The following SNX29 variants were observed in gnomAD, a reference collection of about 807,000 sequenced individuals.
SNX29 encodes the protein sorting nexin-29.
Under a neutral mutation model 102.1 loss-of-function variants are expected in SNX29, and 78 were observed. That is an observed-to-expected ratio of 0.76 (90% CI 0.64 to 0.92). The LOEUF is 0.92. Among genes scored for constraint, SNX29 ranks in the 40% least tolerant of loss-of-function variants. The pLI is 0.00. For synonymous variants in SNX29, 580 were observed against 414.5 expected (o/e 1.40, Z -4.85); for missense variants, 1,280 against 1,061.7 (o/e 1.21, Z -2.86).
chr16:12,441,551 G>A (rs1384629644), intron 18 of SNX29, among the ~76,000 whole-genome samples: 3 of 152,182 alleles, frequency 2.0e-5, no homozygotes, highest in Admixed American at 2.0e-4. Flanking sequence ...GTGAACGTTT[G>A]TCTTCAGTTC....
At chr16:12,265,477 G>A (rs929770736) in intron 14 of SNX29, among the ~76,000 whole-genome samples, 15 of 152,046 alleles carry the variant, frequency 9.9e-5, no homozygotes, top group African/African-American at 3.6e-4. Context: ...AGATTTCTTA[G>A]GAAAGACACA....
intron 11 of SNX29, among the ~76,000 whole-genome samples, chr16:12,121,821 A>G (rs571380596): frequency 1.3e-5 from 2 of 152,078 alleles, no homozygotes; most frequent in Admixed American, 1.3e-4. Context: ...ATTTTTTGAG[A>G]TGGAGTCTCA....
chr16:12,201,387 A>G (rs925908884), intron 14 of SNX29, among the ~76,000 whole-genome samples: 1 of 152,216 alleles, frequency 6.6e-6, no homozygotes, highest in African/African-American at 2.4e-5. Context: ...AGCCCTTTAC[A>G]GCCTTTCCAA....
At chr16:12,253,116 C>G (rs145540143) in intron 14 of SNX29, among the ~76,000 whole-genome samples, 3 of 152,294 alleles carry the variant, frequency 2.0e-5, no homozygotes, top group African/African-American at 7.2e-5. Flanking sequence ...TGTTCCCTAA[C>G]CCTCCTGCCC....
chr16:12,023,796 G>A (rs2151103519), intron 3 of SNX29, among the ~76,000 whole-genome samples: 1 of 152,260 alleles, frequency 6.6e-6, no homozygotes, highest in East Asian at 1.9e-4. Flanking sequence ...CTAAAGAGTA[G>A]ATTCCTGTGC....
At chr16:12,020,688 A>G (rs1436499123) in intron 3 of SNX29, among the ~76,000 whole-genome samples, 1 of 149,006 alleles carries the variant, frequency 6.7e-6, no homozygotes, top group Non-Finnish European at 1.5e-5. Context: ...CAGTGGTGCC[A>G]TCTCGGCTCA....
intron 13 of SNX29, among the ~76,000 whole-genome samples, chr16:12,131,499 G>C (rs1054025676): frequency 6.6e-6 from 1 of 151,984 alleles, no homozygotes; most frequent in Non-Finnish European, 1.5e-5. Context: ...TAGGCCTCAT[G>C]TTAACCATTT....
chr16:12,230,656 G>GC (rs528894951), intron 14 of SNX29, among the ~76,000 whole-genome samples: 48 of 152,186 alleles, frequency 3.2e-4, no homozygotes, highest in Non-Finnish European at 6.5e-4. Context: ...GGCCTTGAAT[G>GC]CCCCAAATGC....
At position 12,512,369 on chromosome 16, in the gene SNX29, A is replaced by AATATATATATATAT. The variant is rs58157322; in HGVS notation, c.2179-12297_2179-12284dup. ...CGTCCATCATGGAAGGCCCAGGGAA[A>AATATATATATATAT]ATATATATATATATATATATATATA... On this transcript the variant is annotated intron_variant, in intron 19 of 20. Transcript: ENST00000566228. Among the ~76,000 whole-genome samples, 80 of 43,884 alleles carry AATATATATATATAT rather than the reference A, an allele frequency of 1.8e-3. 1 individual carries two copies. The highest frequency in any genetic ancestry group is 2.6e-3 in the Non-Finnish European group (61 of 23,724). 28.8% of individuals were successfully genotyped at this position (43,884 alleles called of 152,430 possible). A position where few individuals can be genotyped will look rare whatever the true frequency, so the allele number is the denominator to read the frequency against.
At chr16:12,533,231 C>T (rs531882131) in intron 20 of SNX29, among the ~76,000 whole-genome samples, 2 of 152,234 alleles carry the variant, frequency 1.3e-5, no homozygotes, top group African/African-American at 4.8e-5. Flanking sequence ...TGCTGTTTTG[C>T]CCAAAGGGCA....
intron 19 of SNX29, among the ~76,000 whole-genome samples, chr16:12,521,234 C>A (rs1316901765): frequency 6.6e-6 from 1 of 152,062 alleles, no homozygotes; most frequent in Non-Finnish European, 1.5e-5. Context: ...CCAGAAATCA[C>A]CTGTACCCGC....
chr16:11,995,512 C>T (rs140009587), intron 1 of SNX29, among the ~76,000 whole-genome samples: 20 of 152,092 alleles, frequency 1.3e-4, no homozygotes, highest in African/African-American at 4.8e-4. Flanking sequence ...TGCACAATCT[C>T]GGGTAGTTTT....
intron 19 of SNX29, among the ~76,000 whole-genome samples, chr16:12,511,715 T>C (rs1367026085): frequency 6.6e-6 from 1 of 151,756 alleles, no homozygotes; most frequent in Non-Finnish European, 1.5e-5. Context: ...TCCGAGCTCT[T>C]TCATGGGTAT....
At chr16:12,162,050 C>T (rs1242261949) in intron 13 of SNX29, among the ~76,000 whole-genome samples, 6 of 152,164 alleles carry the variant, frequency 3.9e-5, no homozygotes, top group Non-Finnish European at 2.9e-5. Context: ...TGTAAATGGT[C>T]TATTAAACCT....
intron 19 of SNX29, among the ~76,000 whole-genome samples, chr16:12,483,112 A>T (rs1399264430): frequency 1.4e-5 from 1 of 71,460 alleles, no homozygotes; most frequent in Non-Finnish European, 2.7e-5. Context: ...TGAAGTTATT[A>T]AGTTTTTTTT....
chr16:12,551,228 C>A (rs943040675), intron 20 of SNX29, among the ~76,000 whole-genome samples: 1 of 123,280 alleles, frequency 8.1e-6, no homozygotes, highest in Non-Finnish European at 1.6e-5. Context: ...GATTTGCCAT[C>A]TTCTGAGGAC....
rs74839237 is a variant in SNX29 at position 12,084,147 on chromosome 16, ATTT to A, written c.1402+5245_1402+5247del. Among the ~76,000 whole-genome samples the A allele has an allele frequency of 5.3e-4, 78 of 147,142 alleles. No homozygotes were observed. In the South Asian group the frequency reaches 0.012, roughly 22 times the overall value. ...ACAAAAGCCTGTTATGAAAAAGTTA[ATTT>A]TTTTTTTTTTTTGAGACGGAGTGTT... On this transcript the variant is annotated intron_variant, in intron 11 of 20. Coordinates refer to ENST00000566228, the MANE Select transcript of SNX29 (RefSeq NM_032167.5).
intron 20 of SNX29, among the ~76,000 whole-genome samples, chr16:12,552,547 C>T (rs2078046484): frequency 6.6e-6 from 1 of 152,222 alleles, no homozygotes; most frequent in Non-Finnish European, 1.5e-5. Flanking sequence ...ATGTCCCCAG[C>T]ACTGGCACAC....
chr16:12,172,620 AG>A (rs1338602976), intron 13 of SNX29, among the ~76,000 whole-genome samples: 4 of 152,248 alleles, frequency 2.6e-5, no homozygotes, highest in African/African-American at 9.6e-5. Flanking sequence ...AAATGAAATC[AG>A]GCAAGGTGCT....
Sources: gnomAD v4.1 joint callset for allele counts (sites outside exome capture counted in the v4.1 genomes callset) on GRCh38, gnomAD v4.1.1 for gene constraint, MANE v1.5 for transcripts, NCBI Gene and HGNC (gene_info 2026-07-23, HGNC 2026-07-21) for gene names.